STXBP6: variants seen among roughly 807,000 people sequenced by gnomAD.
STXBP6 encodes the protein syntaxin binding protein 6, also known as syntaxin-binding protein 6.
In STXBP6, 21 loss-of-function variants were observed where a neutral mutation model predicts 26.9. That is an observed-to-expected ratio of 0.78 (90% CI 0.55 to 1.12). The LOEUF is 1.12. Among genes scored for constraint, STXBP6 ranks in the 50% most tolerant of loss-of-function variants. The pLI is 0.00. For synonymous variants in STXBP6, 97 were observed against 92.6 expected (o/e 1.05, Z -0.27); for missense variants, 232 against 257.9 (o/e 0.90, Z 0.69).
chr14:24,937,467 C>CA (rs1480493672), intron 2 of STXBP6, among the ~76,000 whole-genome samples: 1 of 152,196 alleles, frequency 6.6e-6, no homozygotes, highest in Non-Finnish European at 1.5e-5. Context: ...CAATTACACT[C>CA]AACCTGTCTT....
intron 4 of STXBP6, among the ~76,000 whole-genome samples, chr14:24,819,672 T>A (rs906128308): frequency 6.6e-5 from 10 of 152,198 alleles, no homozygotes; most frequent in African/African-American, 2.4e-4. Flanking sequence ...GATAGAATGC[T>A]CTATATTCCT....
At chr14:25,037,343 G>C (rs768811045) in intron 1 of STXBP6, among the ~76,000 whole-genome samples, 5 of 152,200 alleles carry the variant, frequency 3.3e-5, no homozygotes, top group Admixed American at 1.3e-4. Flanking sequence ...TCCAACACTT[G>C]TCAGAGGAGA....
In STXBP6 at chr14:25,028,145, T is replaced by C. The variant is rs2075382809; in HGVS notation, c.-33+21733A>G. 2.6e-5 allele frequency among the ~76,000 whole-genome samples: 4 copies of C among 152,308 alleles called. No homozygotes were observed. In the South Asian group the frequency reaches 8.3e-4, roughly 32 times the overall value. Reference sequence around the variant, plus strand: ...ATCTAGCTAAGATAACTGATTAAGGTTATCAGTTACCATTAAGGTTATCAG... The same window carrying C: ...ATCTAGCTAAGATAACTGATTAAGGCTATCAGTTACCATTAAGGTTATCAG... On this transcript the variant is annotated intron_variant, in intron 1 of 5. Transcript: ENST00000323944.
intron 2 of STXBP6, among the ~76,000 whole-genome samples, chr14:24,955,928 G>C (rs145200018): frequency 6.6e-6 from 1 of 152,156 alleles, no homozygotes; most frequent in Non-Finnish European, 1.5e-5. Context: ...AAACCAAGGC[G>C]GCACAGAGAG....
At chr14:24,869,088 A>G (rs2069831200) in intron 2 of STXBP6, among the ~76,000 whole-genome samples, 2 of 152,350 alleles carry the variant, frequency 1.3e-5, no homozygotes, top group South Asian at 2.1e-4. Context: ...TGCCCTACTG[A>G]GAGTTTTAAC....
chr14:24,832,707 G>T (rs1383320120), intron 4 of STXBP6, among the ~76,000 whole-genome samples: 1 of 152,018 alleles, frequency 6.6e-6, no homozygotes, highest in Non-Finnish European at 1.5e-5. Flanking sequence ...TTACATAGAG[G>T]AGTTAATCCA....
chr14:24,982,591 G>A (rs2074226350), intron 1 of STXBP6, among the ~76,000 whole-genome samples: 1 of 152,254 alleles, frequency 6.6e-6, no homozygotes, highest in Admixed American at 6.5e-5. Flanking sequence ...CAAAGACTAT[G>A]AGACCCGATT....
At chr14:24,879,150 A>G (rs1052190728) in intron 2 of STXBP6, among the ~76,000 whole-genome samples, 2 of 152,214 alleles carry the variant, frequency 1.3e-5, no homozygotes, top group Non-Finnish European at 2.9e-5. Context: ...AAAGAAAAAG[A>G]AGGAACTTTC....
Position 25,049,712 on chromosome 14 carries a change from C to G in STXBP6, c.-33+166G>C. 1 of 985,698 alleles carries G rather than the reference C, an allele frequency of 1.0e-6. No individual in the cohort carries two copies. The highest frequency in any genetic ancestry group is 1.2e-6 in the Non-Finnish European group (1 of 830,188). 61.1% of individuals were successfully genotyped at this position (985,698 alleles called of 1,614,324 possible). On this transcript the variant is annotated intron_variant, in intron 1 of 5. Transcript: ENST00000323944. This position sits in a 1 kb window ranked among gnomAD's most constrained non-coding sequence, Gnocchi z 5.6. Reference sequence around the variant, plus strand: ...GGCGCGCGGCCCCCTCTCCCGCCACCCGCCAACTTGGAAGAATCTCTCTGG... The same window carrying G: ...GGCGCGCGGCCCCCTCTCCCGCCACGCGCCAACTTGGAAGAATCTCTCTGG...
intron 1 of STXBP6, among the ~76,000 whole-genome samples, chr14:25,016,962 C>T (rs969569155): frequency 1.4e-4 from 21 of 152,064 alleles, no homozygotes; most frequent in African/African-American, 5.1e-4. Context: ...AAGTGCCGTC[C>T]AGCTGTATAG....
In STXBP6 at chr14:24,857,028, C is replaced by T; in HGVS notation, c.284G>A (p.Gly95Glu). 6.2e-7 allele frequency: 1 copy of T among 1,612,500 alleles called. No individual in the cohort carries two copies. Among genetic ancestry groups the T allele is most frequent in the Non-Finnish European group, 8.5e-7 (1 of 1,178,916 alleles). Residue 95 changes from glycine (G) to glutamate (E), a missense_variant and splice_region_variant, in exon 3 of 6, where the codon GGG becomes GAG. Coordinates refer to ENST00000323944, the MANE Select transcript of STXBP6 (RefSeq NM_001394410.1). ...CTCAGCATTGGACAATTCACTCACC[C>T]CATTAGGATCGATACCATTAACCTG... ...LRQVNGIDPN[G>E]DSAEFDLLFE...
At chr14:24,935,573 G>C (rs2072565319) in intron 2 of STXBP6, among the ~76,000 whole-genome samples, 1 of 152,016 alleles carries the variant, frequency 6.6e-6, no homozygotes, top group African/African-American at 2.4e-5. Flanking sequence ...AGTTTCAAAA[G>C]GATGATTGAT....
rs530238424 is a variant in STXBP6 at position 24,851,442 on chromosome 14, G to C, written c.451+4494C>G. Among the ~76,000 whole-genome samples, 6 of 134,610 alleles carry C rather than the reference G, an allele frequency of 4.5e-5. No individual in the cohort carries two copies. The South Asian group carries it at 1.1e-3, about 25-fold the overall frequency. 88.3% of individuals were successfully genotyped at this position (134,610 alleles called of 152,430 possible). On this transcript the variant is annotated intron_variant, in intron 4 of 5. Transcript: ENST00000323944. ...GTGATGTTCCCCTTCCTATGTCCAT[G>C]TGTTCTCACTGTTCAATTCCCACCT...
chr14:25,049,963 G>T lies in STXBP6; in HGVS notation c.-118C>A, dbSNP rs2140538833. The T allele has an allele frequency of 1.2e-6, 1 of 813,738 alleles. No individual in the cohort carries two copies. Among genetic ancestry groups the T allele is most frequent in the Non-Finnish European group, 1.5e-6 (1 of 679,084 alleles). The allele number at this position is 813,738 out of a possible 1,614,324, so 50.4% of individuals were successfully genotyped here. A position where few individuals can be genotyped will look rare whatever the true frequency, so the allele number is the denominator to read the frequency against. On this transcript the variant is annotated 5_prime_UTR_variant, in exon 1 of 6. Transcript: ENST00000323944. This position sits in a 1 kb window ranked among gnomAD's most constrained non-coding sequence, Gnocchi z 5.6. ...GCTCCTCCCCGGGGGGCTGCCCCGC[G>T]CGGGGCTCCGGGCTCCGGACAAGGC...
intron 2 of STXBP6, among the ~76,000 whole-genome samples, chr14:24,859,878 C>T (rs779525942): frequency 6.6e-6 from 1 of 152,180 alleles, no homozygotes; most frequent in African/African-American, 2.4e-5. Context: ...GCCGATTCTC[C>T]GGCTTCCTGC....
At chr14:24,936,673 C>T (rs1595145892) in intron 2 of STXBP6, among the ~76,000 whole-genome samples, 1 of 152,192 alleles carries the variant, frequency 6.6e-6, no homozygotes, top group Admixed American at 6.5e-5. Context: ...CTAATTTACA[C>T]TCCCACCAAC....
intron 2 of STXBP6, among the ~76,000 whole-genome samples, chr14:24,927,006 A>T (rs2072199614): frequency 6.6e-6 from 1 of 152,218 alleles, no homozygotes; most frequent in African/African-American, 2.4e-5. Context: ...CAATGGGGTG[A>T]AATTAAAACA....
chr14:24,868,949 CA>C (rs1219945357), intron 2 of STXBP6, among the ~76,000 whole-genome samples: 1 of 152,178 alleles, frequency 6.6e-6, no homozygotes, highest in Non-Finnish European at 1.5e-5. Context: ...TCACATTTTG[CA>C]TATGTCAGGA....
chr14:24,914,862 T>C (rs77861806), intron 2 of STXBP6, among the ~76,000 whole-genome samples: 2,062 of 152,316 alleles, frequency 0.014, 51 homozygotes, highest in African/African-American at 0.046. Flanking sequence ...ATGTAGCTCT[T>C]AGCTTTACAG....
Sources: gnomAD v4.1 joint callset for allele counts (sites outside exome capture counted in the v4.1 genomes callset) on GRCh38, gnomAD v4.1.1 for gene constraint, Gnocchi (gnomAD v3.1) non-coding constraint, MANE v1.5 for transcripts, NCBI Gene and HGNC (gene_info 2026-07-23, HGNC 2026-07-21) for gene names.